EYA1: variants seen among roughly 807,000 people sequenced by gnomAD.
The protein encoded by EYA1 is protein phosphatase EYA1.
Under a neutral mutation model 82.0 loss-of-function variants are expected in EYA1, and 16 were observed. That is an observed-to-expected ratio of 0.20 (90% confidence interval 0.13 to 0.30). The LOEUF (loss-of-function observed/expected upper bound fraction) is 0.30, where lower values mean the gene tolerates loss of function less well. Among genes scored for constraint, EYA1 ranks in the 10% least tolerant of loss-of-function variants. The probability of loss-of-function intolerance (pLI) is 1.00; values close to 1 mark genes in which losing one functional copy is unlikely to be tolerated. For synonymous variants in EYA1, 261 were observed against 264.4 expected (o/e 0.99, Z 0.12); for missense variants, 633 against 730.7 (o/e 0.87, Z 1.54).
At chr8:71,254,243 C>CAAAAA (rs56047377) in intron 11 of EYA1, among the ~76,000 whole-genome samples, 6,830 of 50,718 alleles carry the variant, frequency 0.13, 4 homozygotes, top group Non-Finnish European at 0.15. Flanking sequence ...AAGTCTTGGC[C>CAAAAA]AAAAAAAAAA....
chr8:71,252,638 T>C (rs950475505), intron 11 of EYA1, among the ~76,000 whole-genome samples: 2 of 152,170 alleles, frequency 1.3e-5, no homozygotes, highest in Non-Finnish European at 2.9e-5. Context: ...ACCAAGCTTT[T>C]ATCACCAGGA....
At chr8:71,363,421 T>C (rs1827559447), upstream of EYA1, among the ~76,000 whole-genome samples, 1 of 152,118 alleles carries the variant, frequency 6.6e-6, no homozygotes, top group African/African-American at 2.4e-5. Context: ...AAGAACACTT[T>C]GTCAAACATA....
rs886063085 is a variant in EYA1 at position 71,198,201 on chromosome 8, A to ATTCT, written c.*1135_*1138dup. On this transcript the variant is annotated 3_prime_UTR_variant, in exon 18 of 18. Coordinates refer to ENST00000340726, the MANE Select transcript of EYA1 (RefSeq NM_000503.6). The stretch of plus-strand genomic sequence containing the variant: ...ATAAAATATATCTACTATCATCTAT[A>ATTCT]TTCTTTGTGGGAAGAAGCATTTGAA... 8 of 152,626 alleles carry ATTCT rather than the reference A, an allele frequency of 5.2e-5. No homozygotes were observed. Among genetic ancestry groups the ATTCT allele is most frequent in the Non-Finnish European group, 8.8e-5 (6 of 68,032 alleles). 9.5% of individuals were successfully genotyped at this position (152,626 alleles called of 1,614,324 possible).
chr8:71,478,651 G>A (rs1466225425), intron 2 of EYA1, among the ~76,000 whole-genome samples: 7 of 152,132 alleles, frequency 4.6e-5, no homozygotes, highest in Non-Finnish European at 1.0e-4. Context: ...CCTCAGCCAC[G>A]TAAAGATCCT....
intron 2 of EYA1, among the ~76,000 whole-genome samples, chr8:71,508,750 A>G (rs1341715056): frequency 6.6e-6 from 1 of 152,120 alleles, no homozygotes; most frequent in African/African-American, 2.4e-5. Context: ...AACCTCCAGA[A>G]CTGTGAGAAA....
intron 2 of EYA1, among the ~76,000 whole-genome samples, chr8:71,416,481 A>C (rs1830858719): frequency 2.0e-5 from 3 of 152,244 alleles, no homozygotes; most frequent in African/African-American, 7.2e-5. Flanking sequence ...TTGAGATGCA[A>C]AATGGAAAAA....
chr8:71,253,181 T>A (rs1162015296), intron 11 of EYA1, among the ~76,000 whole-genome samples: 1 of 152,114 alleles, frequency 6.6e-6, no homozygotes, highest in East Asian at 1.9e-4. Context: ...TTTAAGAATA[T>A]CAAATTAACA....
intron 3 of EYA1, among the ~76,000 whole-genome samples, chr8:71,343,470 T>C (rs533085174): frequency 8.7e-4 from 132 of 152,304 alleles, no homozygotes; most frequent in African/African-American, 3.2e-3. Flanking sequence ...CATGGATTAA[T>C]GGTTTATCAG....
chr8:71,317,076 T>C (rs1822003665), intron 7 of EYA1, among the ~76,000 whole-genome samples: 1 of 152,216 alleles, frequency 6.6e-6, no homozygotes, highest in South Asian at 2.1e-4. Flanking sequence ...GAGATCATTA[T>C]TCAACACTTA....
intron 2 of EYA1, among the ~76,000 whole-genome samples, chr8:71,372,637 C>A (rs1345714940): frequency 6.6e-6 from 1 of 152,068 alleles, no homozygotes; most frequent in Non-Finnish European, 1.5e-5. Flanking sequence ...TCCAGGAACA[C>A]TTTCATGAAG....
intron 2 of EYA1, among the ~76,000 whole-genome samples, chr8:71,420,336 T>C (rs926238832): frequency 6.6e-6 from 1 of 152,178 alleles, no homozygotes; most frequent in African/African-American, 2.4e-5. Context: ...CAATGATAAC[T>C]TGTCATTTTA....
chr8:71,482,911 G>A (rs1331934531), intron 2 of EYA1, among the ~76,000 whole-genome samples: 2 of 152,216 alleles, frequency 1.3e-5, no homozygotes, highest in African/African-American at 2.4e-5. Flanking sequence ...TGGAGGTAGT[G>A]TAAATGCTGT....
intron 11 of EYA1, among the ~76,000 whole-genome samples, chr8:71,259,020 T>C (rs1814780635): frequency 6.6e-6 from 1 of 152,208 alleles, no homozygotes; most frequent in Non-Finnish European, 1.5e-5. Context: ...AGGATTGCAA[T>C]GTGGAATTTA....
At chr8:71,226,819 G>T (rs369390513) in intron 12 of EYA1, among the ~76,000 whole-genome samples, 1 of 151,498 alleles carries the variant, frequency 6.6e-6, no homozygotes, top group African/African-American at 2.4e-5. Context: ...ATTAAGTTAT[G>T]TTTTATGCAA....
chr8:71,293,687 A>T (rs936041681), intron 9 of EYA1, among the ~76,000 whole-genome samples: 2 of 151,970 alleles, frequency 1.3e-5, no homozygotes, highest in East Asian at 3.9e-4. Context: ...AAGAAAAACC[A>T]TATGATCAAA....
At chr8:71,481,814 A>G (rs1810184661) in intron 2 of EYA1, among the ~76,000 whole-genome samples, 1 of 152,126 alleles carries the variant, frequency 6.6e-6, no homozygotes, top group South Asian at 2.1e-4. Context: ...TTAACTTCTG[A>G]TGGAGAAAAA....
At chr8:71,372,990 T>G (rs974224670) in intron 2 of EYA1, among the ~76,000 whole-genome samples, 1 of 152,076 alleles carries the variant, frequency 6.6e-6, no homozygotes, top group African/African-American at 2.4e-5. Context: ...CTTGACATAA[T>G]AAAGGCCATT....
chr8:71,463,321 C>A (rs867528352), intron 2 of EYA1, among the ~76,000 whole-genome samples: 1 of 152,098 alleles, frequency 6.6e-6, no homozygotes, highest in East Asian at 1.9e-4. Flanking sequence ...AATGTGTTCC[C>A]CTCCAGAATT....
At chr8:71,469,165 G>T (rs1808993794) in intron 2 of EYA1, among the ~76,000 whole-genome samples, 1 of 129,412 alleles carries the variant, frequency 7.7e-6, no homozygotes, top group African/African-American at 3.4e-5. Flanking sequence ...ACAGACATAA[G>T]TAAAAAAAAA....
Sources: allele counts gnomAD v4.1 joint callset (sites outside exome capture counted in the v4.1 genomes callset), GRCh38; gene constraint gnomAD v4.1.1; transcripts MANE v1.5; gene names NCBI Gene and HGNC (gene_info 2026-07-23, HGNC 2026-07-21).